SLC2A9: variants seen among roughly 807,000 people sequenced by gnomAD.
SLC2A9 encodes the protein solute carrier family 2, facilitated glucose transporter member 9.
In SLC2A9, 39 loss-of-function variants were observed where a neutral mutation model predicts 50.6. That is an observed-to-expected ratio of 0.77 (90% CI 0.60 to 1.01). SLC2A9 has a LOEUF of 1.01. Ranked by LOEUF, SLC2A9 falls within the 50% of genes least tolerant of loss-of-function variation. The probability of loss-of-function intolerance (pLI) is 0.00; values close to 1 mark genes in which losing one functional copy is unlikely to be tolerated. For missense variants in SLC2A9, 686 were observed against 677.6 expected, an observed-to-expected ratio of 1.01 and a Z score of -0.14; for synonymous variants, 324 against 276.9, an observed-to-expected ratio of 1.17 and a Z score of -1.69.
intron 8 of SLC2A9, among the ~76,000 whole-genome samples, chr4:9,894,868 C>T (rs1738228490): frequency 6.6e-6 from 1 of 152,192 alleles, no homozygotes; most frequent in Non-Finnish European, 1.5e-5. Flanking sequence ...TATTATTACA[C>T]TGCAATCAGC....
downstream of SLC2A9, among the ~76,000 whole-genome samples, chr4:9,779,174 C>T (rs998771411): frequency 2.6e-5 from 4 of 152,108 alleles, no homozygotes; most frequent in Admixed American, 6.5e-5. Flanking sequence ...CTAGTAAGTG[C>T]CTATTCTTCC....
intron 3 of SLC2A9, among the ~76,000 whole-genome samples, chr4:9,788,565 G>A (rs569462982): frequency 6.6e-6 from 1 of 151,972 alleles, no homozygotes; most frequent in East Asian, 1.9e-4. Context: ...TGACATTCCA[G>A]GTATGGGACC....
chr4:9,874,248 T>TAA lies in SLC2A9; in HGVS notation c.1291+13317_1291+13318dup, dbSNP rs56157379. Among the ~76,000 whole-genome samples, 290 of 151,638 alleles carry TAA rather than the reference T, an allele frequency of 1.9e-3. 1 individual carries two copies. The highest frequency in any genetic ancestry group is 0.018 in the South Asian group (87 of 4,790). ...CTAGCTCAAATGGCACTTTTGCTAT[T>TAA]AAAAAAAAATGCCCCTTTCTCAAAT... On this transcript the variant is annotated intron_variant, in intron 10 of 11. Coordinates refer to ENST00000264784, the MANE Select transcript of SLC2A9 (RefSeq NM_020041.3).
intron 7 of SLC2A9, among the ~76,000 whole-genome samples, chr4:9,910,160 T>C (rs1577840027): frequency 6.6e-6 from 1 of 152,232 alleles, no homozygotes; most frequent in South Asian, 2.1e-4. Flanking sequence ...CATCCATCTA[T>C]TGGCAAAAAC....
intron 1 of SLC2A9, among the ~76,000 whole-genome samples, chr4:10,027,906 T>G (rs1275183172): frequency 6.6e-6 from 1 of 152,216 alleles, no homozygotes; most frequent in Non-Finnish European, 1.5e-5. Context: ...ATAACTATAG[T>G]TACCCTGCTG....
downstream of SLC2A9, among the ~76,000 whole-genome samples, chr4:9,775,328 G>A (rs1487019496): frequency 1.3e-5 from 2 of 152,148 alleles, no homozygotes; most frequent in Non-Finnish European, 2.9e-5. Context: ...CCTCCTCATG[G>A]CTGAGCCTCA....
intron 10 of SLC2A9, among the ~76,000 whole-genome samples, chr4:9,869,079 C>A (rs958754545): frequency 6.6e-6 from 1 of 152,216 alleles, no homozygotes; most frequent in African/African-American, 2.4e-5. Flanking sequence ...CAACTAAATT[C>A]TATGTATTGA....
chr4:9,771,976 TG>T (rs1221151476), intron 1 of SLC2A9, among the ~76,000 whole-genome samples: 2 of 152,202 alleles, frequency 1.3e-5, no homozygotes, highest in African/African-American at 4.8e-5. Context: ...GAGATGAGGC[TG>T]GACAAGCAGA....
chr4:9,815,688 T>C (rs1182806677), intron 3 of SLC2A9, among the ~76,000 whole-genome samples: 1 of 152,044 alleles, frequency 6.6e-6, no homozygotes. Flanking sequence ...AAGTAAAAGG[T>C]GTTACATGTG....
At chr4:9,904,676 G>A (rs546301125) in intron 8 of SLC2A9, among the ~76,000 whole-genome samples, 2 of 152,340 alleles carry the variant, frequency 1.3e-5, no homozygotes, top group South Asian at 4.1e-4. Context: ...AAATTCAGAT[G>A]TGTTGGGCAA....
intron 10 of SLC2A9, among the ~76,000 whole-genome samples, chr4:9,845,939 TCATC>T (rs1212803835): frequency 6.6e-6 from 1 of 152,272 alleles, no homozygotes; most frequent in East Asian, 1.9e-4. Flanking sequence ...TTAATCTTGT[TCATC>T]CATTCGTTCA....
intron 2 of SLC2A9, among the ~76,000 whole-genome samples, chr4:10,016,813 A>G (rs1762689787): frequency 6.6e-6 from 1 of 152,046 alleles, no homozygotes; most frequent in Non-Finnish European, 1.5e-5. Context: ...TGTGAGTTGC[A>G]AACCCCCACC....
chr4:9,924,458 C>T (rs186192988), intron 6 of SLC2A9, among the ~76,000 whole-genome samples: 3 of 152,308 alleles, frequency 2.0e-5, no homozygotes, highest in African/African-American at 7.2e-5. Flanking sequence ...ACGCTGTCCC[C>T]CAGAGGTGAC....
chr4:9,955,322 C>G lies in SLC2A9; in HGVS notation c.682-13277G>C, dbSNP rs552644587. Among the ~76,000 whole-genome samples, 2 of 104,510 alleles carry G rather than the reference C, an allele frequency of 1.9e-5. 1 individual carries two copies. Among genetic ancestry groups the G allele is most frequent in the East Asian group, 4.0e-4 (2 of 4,950 alleles). The allele number at this position is 104,510 out of a possible 152,430, so 68.6% of individuals were successfully genotyped here. A position where few individuals can be genotyped will look rare whatever the true frequency, so the allele number is the denominator to read the frequency against. ...CCTGGCTAACACGGTGAAACCCCGT[C>G]TCTACTAAAAATACAAAAAAAAATT... On this transcript the variant is annotated intron_variant, in intron 5 of 11. Coordinates refer to ENST00000264784, the MANE Select transcript of SLC2A9 (RefSeq NM_020041.3).
At chr4:9,841,303 C>T (rs116631987) in intron 10 of SLC2A9, among the ~76,000 whole-genome samples, 210 of 152,286 alleles carry the variant, frequency 1.4e-3, no homozygotes, top group African/African-American at 4.8e-3. Context: ...TTGGCCATCT[C>T]GTGAGCGACT....
intron 1 of SLC2A9, among the ~76,000 whole-genome samples, chr4:9,773,753 T>A (rs1371881540): frequency 6.6e-6 from 1 of 152,180 alleles, no homozygotes; most frequent in Non-Finnish European, 1.5e-5. Flanking sequence ...GAGAGAGATC[T>A]TGGTTTCCAG....
intron 10 of SLC2A9, among the ~76,000 whole-genome samples, chr4:9,886,904 T>G (rs1338716787): frequency 6.6e-6 from 1 of 152,144 alleles, no homozygotes; most frequent in African/African-American, 2.4e-5. Context: ...AAACTGAGGC[T>G]AACAAAGAGA....
chr4:9,898,970 G>GAC (rs1739093990), intron 8 of SLC2A9, among the ~76,000 whole-genome samples: 1 of 151,400 alleles, frequency 6.6e-6, no homozygotes, highest in South Asian at 2.1e-4. Flanking sequence ...CATGATGCAT[G>GAC]ACACACACTC....
At chr4:9,993,793 C>T (rs376626145) in intron 3 of SLC2A9, among the ~76,000 whole-genome samples, 562 of 152,294 alleles carry the variant, frequency 3.7e-3, no homozygotes, top group Non-Finnish European at 6.4e-3. Context: ...AGGTGAGGAA[C>T]CTGCATCTGT....
Sources: gnomAD v4.1 joint callset for allele counts (sites outside exome capture counted in the v4.1 genomes callset) on GRCh38, gnomAD v4.1.1 for gene constraint, MANE v1.5 for transcripts, NCBI Gene and HGNC (gene_info 2026-07-23, HGNC 2026-07-21) for gene names.